The following CLEC9A variants were observed in gnomAD, a reference collection of about 807,000 sequenced individuals.
The protein encoded by CLEC9A is C-type lectin domain family 9 member A.
In CLEC9A, 24 loss-of-function variants were observed where a neutral mutation model predicts 30.0. The ratio of observed to expected loss-of-function variants is 0.80; its 90% CI spans 0.58 to 1.13. The LOEUF is 1.13. Ranked by LOEUF, CLEC9A falls within the 50% of genes most tolerant of loss-of-function variation. The probability of loss-of-function intolerance (pLI) is 0.00; values close to 1 mark genes in which losing one functional copy is unlikely to be tolerated. For missense variants in CLEC9A, 251 were observed against 280.9 expected (o/e 0.89, Z 0.76); for synonymous variants, 111 against 96.8 (o/e 1.15, Z -0.86).
At chr12:10,044,490 T>G (rs1233852938) in intron 2 of CLEC9A, among the ~76,000 whole-genome samples, 2 of 152,012 alleles carry the variant, frequency 1.3e-5, no homozygotes, top group South Asian at 2.1e-4. Flanking sequence ...ATTAGTGGGG[T>G]TTTTTTTATT....
intron 5 of CLEC9A, among the ~76,000 whole-genome samples, chr12:10,054,570 TAG>T (rs1865923739): frequency 6.6e-6 from 1 of 152,242 alleles, no homozygotes. Flanking sequence ...TCATGTGCTA[TAG>T]GTCTCTGGGA....
chr12:10,064,445 C>T (rs1465794916), intron 7 of CLEC9A, among the ~76,000 whole-genome samples: 1 of 152,166 alleles, frequency 6.6e-6, no homozygotes, highest in Non-Finnish European at 1.5e-5. Context: ...TTCAGTATAA[C>T]ACTTTCTTTT....
chr12:10,048,689 A>G (rs2137304881), intron 2 of CLEC9A, among the ~76,000 whole-genome samples: 1 of 152,314 alleles, frequency 6.6e-6, no homozygotes. Flanking sequence ...AGATTGCATC[A>G]ACTCAGCCAC....
At chr12:10,048,646 A>C (rs1865868390) in intron 2 of CLEC9A, among the ~76,000 whole-genome samples, 1 of 152,204 alleles carries the variant, frequency 6.6e-6, no homozygotes, top group Non-Finnish European at 1.5e-5. Context: ...CATCCATAGG[A>C]AGCAGCTCCT....
chr12:10,063,277 C>T lies in CLEC9A; in HGVS notation c.471+71C>T, dbSNP rs142324835. The T allele has an allele frequency of 1.9e-4, 250 of 1,342,306 alleles. 1 individual carries two copies. The East Asian group carries it at 6.8e-3, about 37-fold the overall frequency. 83.1% of individuals were successfully genotyped at this position (1,342,306 alleles called of 1,614,324 possible). A position where few individuals can be genotyped will look rare whatever the true frequency, so the allele number is the denominator to read the frequency against. Reference sequence around the variant, plus strand: ...TACTTATTAAAAGAAATCCCTCATTCTCATAAGACAAAATTCCTTAATATT... The same window carrying T: ...TACTTATTAAAAGAAATCCCTCATTTTCATAAGACAAAATTCCTTAATATT... On this transcript the variant is annotated intron_variant, in intron 7 of 8. Transcript: ENST00000355819.
chr12:10,054,462 A>T, intron 5 of CLEC9A, 111 bp downstream of exon 5: 1 of 692,732 alleles, frequency 1.4e-6, no homozygotes, highest in Non-Finnish European at 2.3e-6. Context: ...AATGATATAA[A>T]ATAATGGCCT....
chr12:10,061,135 G>A lies in CLEC9A; in HGVS notation c.181G>A (p.Val61Met). 3.1e-6 allele frequency: 5 copies of A among 1,609,808 alleles called. No individual in the cohort carries two copies. The highest frequency in any genetic ancestry group is 1.1e-5 in the South Asian group (1 of 90,098). Reference protein sequence around the residue: ...SIFLGVKLLQVSTIAMQQQEK... With the variant: ...SIFLGVKLLQMSTIAMQQQEK... Reference sequence around the variant, plus strand: ...ATTGCTATCATGTGAAGTGTTGCAGGTGTCCACCATTGCGATGCAGCAGCA... The same window carrying A: ...ATTGCTATCATGTGAAGTGTTGCAGATGTCCACCATTGCGATGCAGCAGCA... The change falls in exon 6 of 9, where the codon GTG (valine) becomes ATG (methionine). Residue 61 changes from valine to methionine, a missense_variant. Physicochemically the swap from Val to Met is conservative, Grantham distance 21 (BLOSUM62 1). Coordinates refer to ENST00000355819, the MANE Select transcript of CLEC9A (RefSeq NM_207345.4).
intron 2 of CLEC9A, among the ~76,000 whole-genome samples, chr12:10,049,030 G>A (rs1248896980): frequency 6.6e-6 from 1 of 152,118 alleles, no homozygotes; most frequent in East Asian, 1.9e-4. Context: ...TTGATCCATT[G>A]GTTGCAGAAA....
intron 2 of CLEC9A, among the ~76,000 whole-genome samples, 195 bp downstream of exon 2, chr12:10,041,815 G>A (rs1438168673): frequency 6.6e-6 from 1 of 152,232 alleles, no homozygotes; most frequent in East Asian, 1.9e-4. Context: ...CATTGCTAGA[G>A]TTGATTGGTC....
At chr12:10,036,106 C>A (rs1865742230) in intron 1 of CLEC9A, among the ~76,000 whole-genome samples, 1 of 152,110 alleles carries the variant, frequency 6.6e-6, no homozygotes, top group Admixed American at 6.6e-5. Flanking sequence ...GTTTGGTATG[C>A]AAATGCCTGA....
rs1247029868 is a variant in CLEC9A at position 10,041,764 on chromosome 12, T to TA, written c.-163+145dup. On this transcript the variant is annotated intron_variant, in intron 2 of 8. Coordinates refer to ENST00000355819, the MANE Select transcript of CLEC9A (RefSeq NM_207345.4). ...GAACTTTATGAAACCTAGTAAGAATTACAGAACCCAAATATTCAATCCAGT... is the reference window on the plus strand; with the variant it reads ...GAACTTTATGAAACCTAGTAAGAATTAACAGAACCCAAATATTCAATCCAGT... 9.2e-6 allele frequency: 4 copies of TA among 436,896 alleles called. No individual in the cohort carries two copies. The Admixed American group carries it at 1.1e-4, about 11-fold the overall frequency. 27.1% of individuals were successfully genotyped at this position (436,896 alleles called of 1,614,324 possible). A position where few individuals can be genotyped will look rare whatever the true frequency, so the allele number is the denominator to read the frequency against.
At chr12:10,047,759 A>G (rs1447792380) in intron 2 of CLEC9A, among the ~76,000 whole-genome samples, 4 of 152,262 alleles carry the variant, frequency 2.6e-5, no homozygotes, top group African/African-American at 7.2e-5. Context: ...ACAAATGCAC[A>G]TACTTTAATT....
At chr12:10,055,335 A>G (rs889835979) in intron 5 of CLEC9A, among the ~76,000 whole-genome samples, 1 of 152,236 alleles carries the variant, frequency 6.6e-6, no homozygotes, top group Non-Finnish European at 1.5e-5. Context: ...TGTGGAAACA[A>G]TTTATATTTA....
At chr12:10,037,002 C>T (rs937791865) in intron 1 of CLEC9A, among the ~76,000 whole-genome samples, 5 of 152,240 alleles carry the variant, frequency 3.3e-5, no homozygotes, top group Admixed American at 2.6e-4. Context: ...CCAAACCAAC[C>T]AGCATATTTC....
chr12:10,038,103 C>T (rs1591883713), intron 1 of CLEC9A, among the ~76,000 whole-genome samples: 1 of 152,126 alleles, frequency 6.6e-6, no homozygotes, highest in East Asian at 1.9e-4. Flanking sequence ...AATATTTTAA[C>T]TGAGATAAAA....
chr12:10,039,453 T>C (rs1212356595), intron 1 of CLEC9A, among the ~76,000 whole-genome samples: 1 of 152,238 alleles, frequency 6.6e-6, no homozygotes, highest in Non-Finnish European at 1.5e-5. Flanking sequence ...CTACTGGCTT[T>C]TAAGAACTCC....
At chr12:10,047,472 C>A (rs1056521602) in intron 2 of CLEC9A, among the ~76,000 whole-genome samples, 4 of 152,118 alleles carry the variant, frequency 2.6e-5, no homozygotes, top group African/African-American at 7.2e-5. Context: ...CAAAATAACA[C>A]AAATGTTAGT....
At chr12:10,039,299 A>G (rs1457850958) in intron 1 of CLEC9A, among the ~76,000 whole-genome samples, 7 of 152,156 alleles carry the variant, frequency 4.6e-5, no homozygotes, top group Non-Finnish European at 8.8e-5. Context: ...AAGCTTCTCA[A>G]TGGTCACTAT....
chr12:10,050,809 T>A (rs1865886694), intron 2 of CLEC9A, among the ~76,000 whole-genome samples: 1 of 152,216 alleles, frequency 6.6e-6, no homozygotes, highest in Admixed American at 6.5e-5. Context: ...TCTTCCTCTG[T>A]TTCTCCTCAA....
Sources: allele counts gnomAD v4.1 joint callset (sites outside exome capture counted in the v4.1 genomes callset), GRCh38; gene constraint gnomAD v4.1.1; transcripts MANE v1.5; gene names NCBI Gene and HGNC (gene_info 2026-07-23, HGNC 2026-07-21).